The following SCN2A variants were observed in gnomAD, a reference collection of about 807,000 sequenced individuals.
SCN2A encodes sodium voltage-gated channel alpha subunit 2, also known as sodium channel protein type 2 subunit alpha.
Under a neutral mutation model 188.7 loss-of-function variants are expected in SCN2A, and 20 were observed. That is an observed-to-expected ratio of 0.11 (90% confidence interval 0.07 to 0.15). SCN2A has a LOEUF of 0.15. Among genes scored for constraint, SCN2A ranks in the 10% least tolerant of loss-of-function variants. SCN2A has a pLI of 1.00. For missense variants in SCN2A, 1,278 were observed against 2,445.0 expected (o/e 0.52, Z 10.07); for synonymous variants, 804 against 833.1 (o/e 0.97, Z 0.60).
chr2:165,262,855 A>G (rs1341679757), intron 1 of SCN2A, among the ~76,000 whole-genome samples: 1 of 152,144 alleles, frequency 6.6e-6, no homozygotes, highest in Admixed American at 6.5e-5. Context: ...GTACTAGTTT[A>G]TATTCCCACC....
At chr2:165,257,176 G>A (rs940314655) in intron 1 of SCN2A, among the ~76,000 whole-genome samples, 5 of 152,178 alleles carry the variant, frequency 3.3e-5, no homozygotes, top group Admixed American at 3.3e-4. Flanking sequence ...TAAAAGCTGG[G>A]CACAGACTTT....
At chr2:165,350,740 AT>A (rs1411637716) in intron 16 of SCN2A, among the ~76,000 whole-genome samples, 1 of 150,478 alleles carries the variant, frequency 6.6e-6, no homozygotes, top group Non-Finnish European at 1.5e-5. Flanking sequence ...AAGTGCTGGG[AT>A]TACAGGCGTG....
intron 1 of SCN2A, among the ~76,000 whole-genome samples, chr2:165,291,311 T>G (rs1696099065): frequency 6.6e-6 from 1 of 151,782 alleles, no homozygotes; most frequent in Admixed American, 6.6e-5. Context: ...CCCAGAGTGC[T>G]GGGATTACAG....
intron 3 of SCN2A, among the ~76,000 whole-genome samples, chr2:165,300,421 G>A (rs781502477): frequency 3.9e-5 from 6 of 152,142 alleles, no homozygotes; most frequent in Non-Finnish European, 8.8e-5. Context: ...ACGTCGATTG[G>A]GAGCTAGTGA....
At chr2:165,262,895 C>T (rs1694668925) in intron 1 of SCN2A, among the ~76,000 whole-genome samples, 1 of 152,172 alleles carries the variant, frequency 6.6e-6, no homozygotes, top group Non-Finnish European at 1.5e-5. Flanking sequence ...CTTTTTACCA[C>T]ATCCATGCCA....
chr2:165,253,314 G>A (rs1055444379), intron 1 of SCN2A, among the ~76,000 whole-genome samples: 5 of 151,998 alleles, frequency 3.3e-5, no homozygotes, highest in Non-Finnish European at 7.4e-5. Flanking sequence ...TTCATGACAT[G>A]CATAGACTTT....
chr2:165,386,679 A>G (rs995617760), intron 25 of SCN2A, 67 bp from the exon 26 acceptor site: 3 of 1,487,020 alleles, frequency 2.0e-6, no homozygotes, highest in African/African-American at 2.8e-5. Context: ...CTTTCTTAAA[A>G]TCAGAAGAAT....
intron 1 of SCN2A, among the ~76,000 whole-genome samples, chr2:165,251,974 A>T (rs1694115942): frequency 6.6e-6 from 1 of 152,122 alleles, no homozygotes; most frequent in Non-Finnish European, 1.5e-5. Context: ...CATAGATTTT[A>T]AATACCTTCA....
In SCN2A at chr2:165,315,519, G is replaced by C; in HGVS notation, c.1432G>C (p.Gly478Arg). 6.2e-7 allele frequency: 1 copy of C among 1,614,018 alleles called. No individual in the cohort carries two copies. The highest frequency in any genetic ancestry group is 8.5e-7 in the Non-Finnish European group (1 of 1,179,918). The change falls in exon 11 of 27, where the codon GGT (glycine) becomes CGT (arginine). Residue 478 changes from glycine (G) to arginine (R), a missense_variant. This residue lies in a region of SCN2A where 315 missense variants were observed against 386.6 expected (regional missense o/e 0.81). Transcript: ENST00000375437. ...SAESRDFSGA[G>R]GIGVFSESSS... ...TGAATCAAGAGACTTCAGTGGTGCT[G>C]GTGGGATAGGAGTTTTTTCAGAGAG...
intron 1 of SCN2A, among the ~76,000 whole-genome samples, chr2:165,251,144 G>A (rs1694074434): frequency 6.6e-6 from 1 of 151,998 alleles, no homozygotes; most frequent in Non-Finnish European, 1.5e-5. Flanking sequence ...GTCCTTTACA[G>A]CAAGTAGCAA....
At chr2:165,336,754 A>G (rs756478137) in intron 14 of SCN2A, among the ~76,000 whole-genome samples, 1 of 151,938 alleles carries the variant, frequency 6.6e-6, no homozygotes, top group Non-Finnish European at 1.5e-5. Context: ...TTTTCTTCCA[A>G]TCACCTATTG....
chr2:165,255,009 CT>C (rs1407344206), intron 1 of SCN2A, among the ~76,000 whole-genome samples: 1 of 151,888 alleles, frequency 6.6e-6, no homozygotes, highest in Non-Finnish European at 1.5e-5. Context: ...TTTTGGCAAT[CT>C]GTTCTATGCT....
At chr2:165,363,700 G>A (rs1700579174) in intron 17 of SCN2A, among the ~76,000 whole-genome samples, 1 of 151,946 alleles carries the variant, frequency 6.6e-6, no homozygotes, top group Non-Finnish European at 1.5e-5. Context: ...AAGATATTAG[G>A]ATTATTTTTC....
At chr2:165,292,238 T>A (rs983745057) in intron 1 of SCN2A, among the ~76,000 whole-genome samples, 1 of 152,206 alleles carries the variant, frequency 6.6e-6, no homozygotes, top group Non-Finnish European at 1.5e-5. Flanking sequence ...TCTCTTACAA[T>A]CAAAAGTTAT....
At chr2:165,378,360 CAG>C (rs1003619588) in intron 23 of SCN2A, among the ~76,000 whole-genome samples, 1 of 149,016 alleles carries the variant, frequency 6.7e-6, no homozygotes, top group Admixed American at 6.8e-5. Context: ...TTCATAAAAA[CAG>C]AGAGGGAGCA....
chr2:165,246,825 C>T (rs978239803), intron 1 of SCN2A, among the ~76,000 whole-genome samples: 10 of 152,066 alleles, frequency 6.6e-5, no homozygotes, highest in Non-Finnish European at 1.5e-4. Flanking sequence ...GATTGATGCC[C>T]AGCAACCATG....
chr2:165,291,374 T>G (rs1696112619), intron 1 of SCN2A, among the ~76,000 whole-genome samples: 2 of 126,662 alleles, frequency 1.6e-5, no homozygotes, highest in Admixed American at 1.6e-4. Flanking sequence ...CTTCCTTCCT[T>G]CCTTCCTTCC....
At chr2:165,363,445 T>G (rs1700564241) in intron 17 of SCN2A, among the ~76,000 whole-genome samples, 1 of 152,198 alleles carries the variant, frequency 6.6e-6, no homozygotes, top group Non-Finnish European at 1.5e-5. Context: ...TTTTTCTGAT[T>G]ACCTGTGTTA....
At chr2:165,326,779 C>G (rs1698380309) in intron 12 of SCN2A, 73 bp from the exon 13 acceptor site, 1 of 1,508,456 alleles carries the variant, frequency 6.6e-7, no homozygotes, top group Non-Finnish European at 9.2e-7. Context: ...TTAAATAACA[C>G]CTGTTGTAGG....
Sources: gnomAD v4.1 joint callset for allele counts (sites outside exome capture counted in the v4.1 genomes callset) on GRCh38, gnomAD v4.1.1 for gene constraint, gnomAD v4.1.1 regional missense constraint, MANE v1.5 for transcripts, NCBI Gene and HGNC (gene_info 2026-07-23, HGNC 2026-07-21) for gene names.